The following GALNTL6 variants were observed in gnomAD, a reference collection of about 807,000 sequenced individuals.
GALNTL6 encodes the protein polypeptide N-acetylgalactosaminyltransferase like 6.
GALNTL6 carries 46 observed loss-of-function variants against 73.7 expected under a neutral mutation model. The ratio of observed to expected loss-of-function variants is 0.62; its 90% CI spans 0.49 to 0.80. The LOEUF is 0.80. GALNTL6 is among the 30% of genes least tolerant of loss of function. The probability of loss-of-function intolerance (pLI) is 0.00; values close to 1 mark genes in which losing one functional copy is unlikely to be tolerated. For missense variants in GALNTL6, 604 were observed against 755.0 expected, an observed-to-expected ratio of 0.80 and a Z score of 2.34; for synonymous variants, 259 against 263.7, an observed-to-expected ratio of 0.98 and a Z score of 0.17.
intron 2 of GALNTL6, among the ~76,000 whole-genome samples, chr4:172,026,744 A>G (rs1331361012): frequency 1.3e-5 from 2 of 152,144 alleles, no homozygotes; most frequent in African/African-American, 4.8e-5. Context: ...TGACTTTTAC[A>G]TGTACTATGT....
At chr4:172,781,237 AT>A (rs1396630393) in intron 5 of GALNTL6, among the ~76,000 whole-genome samples, 1 of 152,202 alleles carries the variant, frequency 6.6e-6, no homozygotes, top group African/African-American at 2.4e-5. Flanking sequence ...TTAGTCAATC[AT>A]TAAATGAAAT....
At chr4:172,186,579 T>C (rs114657097) in intron 2 of GALNTL6, among the ~76,000 whole-genome samples, 1,690 of 152,164 alleles carry the variant, frequency 0.011, 15 homozygotes, top group Admixed American at 0.018. Flanking sequence ...TATTCAACCA[T>C]AGAAAGAAAT....
intron 5 of GALNTL6, among the ~76,000 whole-genome samples, chr4:172,548,444 C>T (rs1205567779): frequency 6.6e-6 from 1 of 152,142 alleles, no homozygotes; most frequent in Non-Finnish European, 1.5e-5. Context: ...CATAGGAATG[C>T]ACATTGTCAA....
rs116458249 is a variant in GALNTL6, at chr4:172,716,903, A to C, written c.554-92458A>C. Among the ~76,000 whole-genome samples the C allele has an allele frequency of 6.1e-3, 925 of 152,322 alleles. 4 individuals are homozygous for C. Among genetic ancestry groups the C allele is most frequent in the Admixed American group, 0.011 (162 of 15,290 alleles). ...CAAATTCCTTGCATAGTTGGAGTTT[A>C]TGTCATTTTTCATATGCTATGTATT... On this transcript the variant is annotated intron_variant, in intron 5 of 12. Coordinates refer to ENST00000506823, the MANE Select transcript of GALNTL6 (RefSeq NM_001034845.3).
chr4:171,967,449 T>TTTTTTTTGTTTTG (rs747345394), intron 2 of GALNTL6, among the ~76,000 whole-genome samples: 1 of 120,356 alleles, frequency 8.3e-6, no homozygotes, highest in African/African-American at 4.4e-5. Context: ...CCCTATGGGT[T>TTTTTTTTGTTTTG]TTTTTTTTTT....
chr4:172,042,634 T>A lies in GALNTL6; in HGVS notation c.139-187022T>A, dbSNP rs182811158. 6.6e-5 allele frequency among the ~76,000 whole-genome samples: 10 copies of A among 151,964 alleles called. No homozygotes were observed. The East Asian group carries it at 1.9e-3, about 29-fold the overall frequency. On this transcript the variant is annotated intron_variant, in intron 2 of 12. Transcript: ENST00000506823. ...TATCTTTGATGGTTTCTTTTTATTATCTGGAAAAATCTGCTTTTTTTAAAA... is the reference window on the plus strand; with the variant it reads ...TATCTTTGATGGTTTCTTTTTATTAACTGGAAAAATCTGCTTTTTTTAAAA...
intron 5 of GALNTL6, among the ~76,000 whole-genome samples, chr4:172,523,441 T>G (rs1427210722): frequency 6.6e-6 from 1 of 152,116 alleles, no homozygotes; most frequent in African/African-American, 2.4e-5. Flanking sequence ...CTCGGCTCAT[T>G]GCAACCTCCA....
intron 3 of GALNTL6, among the ~76,000 whole-genome samples, chr4:172,302,457 C>T (rs1017083774): frequency 3.9e-5 from 6 of 152,132 alleles, no homozygotes; most frequent in Non-Finnish European, 4.4e-5. Flanking sequence ...TCTTCTGCTT[C>T]GCTCATGCTG....
intron 2 of GALNTL6, among the ~76,000 whole-genome samples, chr4:171,860,350 A>T (rs1359923134): frequency 6.6e-6 from 1 of 152,202 alleles, no homozygotes; most frequent in Non-Finnish European, 1.5e-5. Context: ...TACCATATAC[A>T]TTGCAGAAAT....
intron 4 of GALNTL6, among the ~76,000 whole-genome samples, chr4:172,329,404 T>C (rs1172044084): frequency 6.6e-6 from 1 of 152,118 alleles, no homozygotes; most frequent in African/African-American, 2.4e-5. Context: ...GCTGCTGCCA[T>C]ATGCTGGGTG....
At chr4:172,619,602 A>T (rs1738878628) in intron 5 of GALNTL6, among the ~76,000 whole-genome samples, 1 of 152,234 alleles carries the variant, frequency 6.6e-6, no homozygotes, top group African/African-American at 2.4e-5. Flanking sequence ...TGTAAGATTC[A>T]GGTCTAAGTT....
chr4:172,066,534 A>ATT (rs1491426527), intron 2 of GALNTL6, among the ~76,000 whole-genome samples: 12 of 109,074 alleles, frequency 1.1e-4, no homozygotes, highest in African/African-American at 3.9e-4. Context: ...TCTGACCTGG[A>ATT]CTTTTTTTTT....
chr4:172,637,255 A>C (rs1739739664), intron 5 of GALNTL6, among the ~76,000 whole-genome samples: 1 of 152,196 alleles, frequency 6.6e-6, no homozygotes, highest in Non-Finnish European at 1.5e-5. Flanking sequence ...AATCAGAATC[A>C]GAATCACACA....
intron 5 of GALNTL6, among the ~76,000 whole-genome samples, chr4:172,684,240 C>G (rs1227665781): frequency 6.6e-6 from 1 of 152,152 alleles, no homozygotes; most frequent in African/African-American, 2.4e-5. Flanking sequence ...GCGTACACAG[C>G]TTTTTATTTC....
chr4:172,447,192 A>G (rs1208191223), intron 5 of GALNTL6, among the ~76,000 whole-genome samples: 1 of 152,198 alleles, frequency 6.6e-6, no homozygotes, highest in African/African-American at 2.4e-5. Flanking sequence ...AAGAGTCTCC[A>G]GAAGAGGCCA....
At chr4:171,987,429 T>C (rs1017244012) in intron 2 of GALNTL6, among the ~76,000 whole-genome samples, 5 of 152,182 alleles carry the variant, frequency 3.3e-5, no homozygotes, top group African/African-American at 1.2e-4. Flanking sequence ...AAGAAATGAC[T>C]GCGGTGGCCT....
chr4:172,282,576 C>T (rs527764521), intron 3 of GALNTL6, among the ~76,000 whole-genome samples: 1 of 149,914 alleles, frequency 6.7e-6, no homozygotes, highest in African/African-American at 2.5e-5. Flanking sequence ...TAAGCAAAAC[C>T]TTTTAGGATG....
chr4:172,750,679 C>T (rs1737371981), intron 5 of GALNTL6, among the ~76,000 whole-genome samples: 1 of 152,140 alleles, frequency 6.6e-6, no homozygotes, highest in Non-Finnish European at 1.5e-5. Context: ...TCTTTTTATA[C>T]ATTGAGAATC....
At chr4:171,980,659 G>A (rs1739868344) in intron 2 of GALNTL6, among the ~76,000 whole-genome samples, 1 of 152,196 alleles carries the variant, frequency 6.6e-6, no homozygotes. Context: ...ATCGGAAGCA[G>A]TGTTCTTGTG....
Sources: allele counts gnomAD v4.1 joint callset (sites outside exome capture counted in the v4.1 genomes callset), GRCh38; gene constraint gnomAD v4.1.1; transcripts MANE v1.5; gene names NCBI Gene and HGNC (gene_info 2026-07-23, HGNC 2026-07-21).